RIMS1: variants seen among roughly 807,000 people sequenced by gnomAD.
The protein encoded by RIMS1 is regulating synaptic membrane exocytosis protein 1.
In RIMS1, 83 loss-of-function variants were observed where a neutral mutation model predicts 214.1. The observed-to-expected ratio is 0.39, with a 90% CI of 0.32 to 0.47. The LOEUF is 0.47. Among genes scored for constraint, RIMS1 ranks in the 20% least tolerant of loss-of-function variants. RIMS1 has a pLI of 0.99. For synonymous variants in RIMS1, 793 were observed against 786.8 expected (o/e 1.01, Z -0.13); for missense variants, 2,050 against 2,161.8 (o/e 0.95, Z 1.03).
chr6:72,191,295 T>C (rs2463719), intron 6 of RIMS1, among the ~76,000 whole-genome samples: 148,837 of 152,364 alleles, frequency 0.98, 72,779 homozygotes, highest in East Asian at 1. Context: ...AATGCAGCTA[T>C]TTATCCTTTA....
chr6:72,304,777 A>C (rs766357986), intron 26 of RIMS1, among the ~76,000 whole-genome samples: 11 of 151,966 alleles, frequency 7.2e-5, no homozygotes, highest in Non-Finnish European at 1.3e-4. Context: ...GTACTAAAAA[A>C]AGTGTGTGAT....
intron 4 of RIMS1, among the ~76,000 whole-genome samples, chr6:72,177,233 C>G (rs1383388238): frequency 1.3e-5 from 2 of 152,002 alleles, no homozygotes; most frequent in South Asian, 4.1e-4. Flanking sequence ...TAGAAAAGAA[C>G]CTACTTGATT....
At chr6:72,334,460 A>G (rs922548960) in intron 29 of RIMS1, among the ~76,000 whole-genome samples, 4 of 152,044 alleles carry the variant, frequency 2.6e-5, no homozygotes, top group East Asian at 3.9e-4. Flanking sequence ...TATATTTAAA[A>G]AGCAAATACA....
At position 72,258,257 on chromosome 6, in the gene RIMS1, G is replaced by A. The variant is rs377682136; in HGVS notation, c.2903G>A (p.Arg968His). 2.0e-5 allele frequency: 33 copies of A among 1,613,206 alleles called. No homozygotes were observed. Among genetic ancestry groups the A allele is most frequent in the Middle Eastern group, 1.6e-4 (1 of 6,074 alleles). The stretch of plus-strand genomic sequence containing the variant: ...AATGATCAGGGAAAGCCGCGTTCAC[G>A]TTTACCAAATGTGCCATTACAGAGG... ...RGNDQGKPRSRLPNVPLQRSL... is the reference protein window; with the variant it reads ...RGNDQGKPRSHLPNVPLQRSL... Residue 968 changes from arginine (R) to histidine (H), a missense_variant, in exon 17 of 34, where the codon CGT becomes CAT. Transcript: ENST00000521978.
chr6:71,937,307 C>A (rs944573824), intron 1 of RIMS1, among the ~76,000 whole-genome samples: 1 of 152,136 alleles, frequency 6.6e-6, no homozygotes, highest in Non-Finnish European at 1.5e-5. Context: ...GTCACCCAGG[C>A]TAGAGTGCAC....
At chr6:72,067,272 C>A (rs140959958) in intron 2 of RIMS1, among the ~76,000 whole-genome samples, 2 of 152,136 alleles carry the variant, frequency 1.3e-5, no homozygotes, top group African/African-American at 2.4e-5. Context: ...CATCTGCCAC[C>A]GGCCATGTAT....
At chr6:71,990,402 T>C (rs934897542) in intron 2 of RIMS1, among the ~76,000 whole-genome samples, 29 of 152,314 alleles carry the variant, frequency 1.9e-4, no homozygotes, top group African/African-American at 6.3e-4. Context: ...AAGTCACATT[T>C]TATACTTAAT....
intron 29 of RIMS1, among the ~76,000 whole-genome samples, chr6:72,353,860 C>A (rs767443008): frequency 6.6e-6 from 1 of 152,152 alleles, no homozygotes; most frequent in Non-Finnish European, 1.5e-5. Context: ...AACATTTTTC[C>A]TGTATACAGT....
In RIMS1 at chr6:72,274,414, C is replaced by A. The variant is rs754554575; in HGVS notation, c.3464C>A (p.Ala1155Glu). 2.5e-6 allele frequency: 4 copies of A among 1,612,748 alleles called. No homozygotes were observed. Among genetic ancestry groups the A allele is most frequent in the Non-Finnish European group, 3.4e-6 (4 of 1,179,022 alleles). The change falls in exon 23 of 34, where the codon GCG becomes GAG. Residue 1155 changes from alanine (A) to glutamate (E), a missense_variant. Coordinates refer to ENST00000521978, the MANE Select transcript of RIMS1 (RefSeq NM_014989.7). ...PPSPRIQIQH[A>E]SPENDRHSRK... ...AGTCCCAGGATTCAAATCCAGCATG[C>A]GTCTCCGGAGAATGACAGGTACTAG...
At chr6:71,895,501 C>G (rs61088048) in intron 1 of RIMS1, among the ~76,000 whole-genome samples, 4 of 151,544 alleles carry the variant, frequency 2.6e-5, no homozygotes, top group Non-Finnish European at 5.9e-5. Flanking sequence ...ATGGCGAAAC[C>G]CCATCTCTAC....
chr6:72,325,823 AT>A (rs2154327824), intron 28 of RIMS1, among the ~76,000 whole-genome samples: 1 of 151,942 alleles, frequency 6.6e-6, no homozygotes, highest in Admixed American at 6.6e-5. Context: ...ACTTGAGTTC[AT>A]TTTTTAGTTC....
intron 2 of RIMS1, among the ~76,000 whole-genome samples, chr6:72,034,880 G>T (rs1819177691): frequency 6.6e-6 from 1 of 152,052 alleles, no homozygotes; most frequent in African/African-American, 2.4e-5. Context: ...ATGCATAATT[G>T]TTTGGTTATT....
chr6:72,324,456 A>G (rs1035210612), intron 28 of RIMS1, among the ~76,000 whole-genome samples: 6 of 151,928 alleles, frequency 3.9e-5, no homozygotes, highest in African/African-American at 1.4e-4. Context: ...CTAATAGTTG[A>G]AAAAATGTGG....
At chr6:72,369,360 G>T (rs553400680) in intron 29 of RIMS1, among the ~76,000 whole-genome samples, 27 of 152,160 alleles carry the variant, frequency 1.8e-4, no homozygotes, top group South Asian at 4.2e-4. Flanking sequence ...TAGGAGGCCG[G>T]TTGGGTCTGT....
At chr6:72,344,949 G>T (rs1409633453) in intron 29 of RIMS1, among the ~76,000 whole-genome samples, 1 of 151,800 alleles carries the variant, frequency 6.6e-6, no homozygotes, top group South Asian at 2.1e-4. Context: ...TTGTATTTCA[G>T]GGTTTGGAGG....
intron 2 of RIMS1, among the ~76,000 whole-genome samples, chr6:72,090,413 G>C (rs1346643431): frequency 6.6e-6 from 1 of 151,894 alleles, no homozygotes; most frequent in African/African-American, 2.4e-5. Flanking sequence ...TTTTGTAGCA[G>C]AAAACTCCAT....
At chr6:72,015,056 T>A (rs1331003903) in intron 2 of RIMS1, among the ~76,000 whole-genome samples, 1 of 152,186 alleles carries the variant, frequency 6.6e-6, no homozygotes, top group Non-Finnish European at 1.5e-5. Flanking sequence ...CATTTTTTTT[T>A]ATTTTGGAAT....
intron 6 of RIMS1, among the ~76,000 whole-genome samples, chr6:72,214,389 A>T (rs1377964958): frequency 6.6e-6 from 1 of 152,072 alleles, no homozygotes; most frequent in African/African-American, 2.4e-5. Context: ...CCCTGTTTGG[A>T]TTTATTAAGT....
At chr6:71,993,046 A>T (rs1802369268) in intron 2 of RIMS1, among the ~76,000 whole-genome samples, 1 of 152,210 alleles carries the variant, frequency 6.6e-6, no homozygotes, top group Admixed American at 6.5e-5. Flanking sequence ...CACTTCAATC[A>T]GGTTCTTTTT....
Sources: allele counts gnomAD v4.1 joint callset (sites outside exome capture counted in the v4.1 genomes callset), GRCh38; gene constraint gnomAD v4.1.1; transcripts MANE v1.5; gene names NCBI Gene and HGNC (gene_info 2026-07-23, HGNC 2026-07-21).